Variants in NETO1 observed in about 807,000 individuals in gnomAD.
The protein encoded by NETO1 is neuropilin and tolloid like 1.
A neutral mutation model predicts 61.3 loss-of-function variants in NETO1; 26 were observed. That is an observed-to-expected ratio of 0.42 (90% CI 0.31 to 0.59). The LOEUF (loss-of-function observed/expected upper bound fraction) is 0.59, where lower values mean the gene tolerates loss of function less well. Among genes scored for constraint, NETO1 ranks in the 20% least tolerant of loss-of-function variants. The pLI is 0.12. For missense variants in NETO1, 531 were observed against 662.8 expected, an observed-to-expected ratio of 0.80 and a Z score of 2.18; for synonymous variants, 225 against 225.8, an observed-to-expected ratio of 1.00 and a Z score of 0.03.
chr18:72,806,678 C>T (rs141549396), intron 4 of NETO1, among the ~76,000 whole-genome samples: 209 of 152,224 alleles, frequency 1.4e-3, no homozygotes, highest in African/African-American at 3.9e-3. Flanking sequence ...AATAACACAA[C>T]GCAAACTCCT....
chr18:72,801,446 A>G (rs966462389), intron 4 of NETO1, among the ~76,000 whole-genome samples: 3 of 152,210 alleles, frequency 2.0e-5, no homozygotes, highest in African/African-American at 7.2e-5. Context: ...AGTTTTCCAG[A>G]TATTACATGA....
chr18:72,851,409 C>T (rs1459650053), intron 4 of NETO1, among the ~76,000 whole-genome samples: 2 of 132,006 alleles, frequency 1.5e-5, no homozygotes, highest in African/African-American at 7.7e-5. Flanking sequence ...GAAACTCCCT[C>T]AAAACAAAAA....
chr18:72,771,112 C>A (rs9951846), intron 7 of NETO1, among the ~76,000 whole-genome samples: 51,748 of 151,906 alleles, frequency 0.34, 9,099 homozygotes, highest in Admixed American at 0.47. Flanking sequence ...GATTATATGA[C>A]AATTTTACTT....
intron 4 of NETO1, among the ~76,000 whole-genome samples, chr18:72,796,978 C>T (rs8091023): frequency 0.37 from 56,433 of 151,898 alleles, 11,122 homozygotes; most frequent in East Asian, 0.52. Context: ...TTGCATAGCA[C>T]TGCTAAAATT....
chr18:72,808,865 A>T (rs891495950), intron 4 of NETO1, among the ~76,000 whole-genome samples: 2 of 152,222 alleles, frequency 1.3e-5, no homozygotes, highest in Non-Finnish European at 2.9e-5. Flanking sequence ...GACACATGGC[A>T]AGTGGAGGAT....
intron 4 of NETO1, among the ~76,000 whole-genome samples, chr18:72,810,520 AC>A (rs2072830799): frequency 6.6e-6 from 1 of 152,202 alleles, no homozygotes; most frequent in Non-Finnish European, 1.5e-5. Context: ...CATATCAAAT[AC>A]AACTGGAAAT....
At chr18:72,841,349 C>T (rs1369257720) in intron 4 of NETO1, among the ~76,000 whole-genome samples, 3 of 151,968 alleles carry the variant, frequency 2.0e-5, no homozygotes, top group Admixed American at 6.6e-5. Context: ...AGGATCCTTT[C>T]GAACAGGTTA....
chr18:72,836,995 T>C (rs12968923), intron 4 of NETO1, among the ~76,000 whole-genome samples: 63,554 of 151,996 alleles, frequency 0.42, 13,566 homozygotes, highest in East Asian at 0.65. Context: ...GAATCCGTGA[T>C]TGACTGAAGA....
At chr18:72,862,342 A>G (rs1165415763) in intron 3 of NETO1, among the ~76,000 whole-genome samples, 1 of 152,178 alleles carries the variant, frequency 6.6e-6, no homozygotes, top group African/African-American at 2.4e-5. Context: ...AATCTCAACA[A>G]CAATCTCTAT....
chr18:72,756,630 C>A (rs1360124779), intron 7 of NETO1, among the ~76,000 whole-genome samples: 2 of 151,882 alleles, frequency 1.3e-5, no homozygotes, highest in Non-Finnish European at 2.9e-5. Flanking sequence ...TACGAAAAAA[C>A]AAAATGCCAT....
chr18:72,774,561 G>A (rs563023626), intron 7 of NETO1, among the ~76,000 whole-genome samples: 5 of 151,850 alleles, frequency 3.3e-5, no homozygotes, highest in Admixed American at 6.6e-5. Context: ...AGTAAAATAC[G>A]GCACACTTCT....
At chr18:72,790,872 C>G (rs990271031) in intron 6 of NETO1, among the ~76,000 whole-genome samples, 1 of 152,224 alleles carries the variant, frequency 6.6e-6, no homozygotes, top group Admixed American at 6.5e-5. Flanking sequence ...CACTGGGTAT[C>G]TGGAGATAAA....
At chr18:72,757,164 CAT>C (rs1293704191) in intron 7 of NETO1, among the ~76,000 whole-genome samples, 10 of 151,932 alleles carry the variant, frequency 6.6e-5, no homozygotes, top group African/African-American at 1.9e-4. Flanking sequence ...GCACATGAAA[CAT>C]ATGAATTTCC....
At chr18:72,781,468 C>T (rs1230278540) in intron 7 of NETO1, among the ~76,000 whole-genome samples, 4 of 152,178 alleles carry the variant, frequency 2.6e-5, no homozygotes, top group Middle Eastern at 6.8e-3. Flanking sequence ...AAATGCACTA[C>T]CTCTAACATT....
chr18:72,764,682 G>T (rs929312179), intron 7 of NETO1, among the ~76,000 whole-genome samples: 2 of 152,160 alleles, frequency 1.3e-5, no homozygotes, highest in African/African-American at 4.8e-5. Flanking sequence ...ATTTGGAACT[G>T]TAATTACCAT....
chr18:72,760,109 G>T (rs2070922983), intron 7 of NETO1, among the ~76,000 whole-genome samples: 1 of 152,092 alleles, frequency 6.6e-6, no homozygotes, highest in Non-Finnish European at 1.5e-5. Flanking sequence ...TCACTTTATT[G>T]GGTTTATTGA....
chr18:72,839,127 A>T (rs1325210265), intron 4 of NETO1, among the ~76,000 whole-genome samples: 3 of 152,214 alleles, frequency 2.0e-5, no homozygotes, highest in Admixed American at 6.5e-5. Context: ...AAAATAAATG[A>T]TCAATTTTTT....
chr18:72,769,722 C>A (rs1395458666), intron 7 of NETO1, among the ~76,000 whole-genome samples: 1 of 152,046 alleles, frequency 6.6e-6, no homozygotes, highest in Non-Finnish European at 1.5e-5. Context: ...CATGTAGTTA[C>A]AAGAGTATAA....
In NETO1 at chr18:72,801,327, AT is replaced by A. The variant is rs374658759; in HGVS notation, c.470-6924del. Among the ~76,000 whole-genome samples the A allele has an allele frequency of 8.2e-4, 125 of 152,254 alleles. 1 individual carries two copies. Among genetic ancestry groups the A allele is most frequent in the African/African-American group, 2.7e-3 (114 of 41,562 alleles). ...TTTTTTAAATGTTATTGCAACTATT[AT>A]TCTATGAGCCCAGGAGTGTTCCTTT... is the stretch of plus-strand genomic sequence containing the variant. On this transcript the variant is annotated intron_variant, in intron 4 of 10. Transcript: ENST00000327305.
Sources: allele counts gnomAD v4.1 joint callset (sites outside exome capture counted in the v4.1 genomes callset), GRCh38; gene constraint gnomAD v4.1.1; transcripts MANE v1.5; gene names NCBI Gene and HGNC (gene_info 2026-07-23, HGNC 2026-07-21).